Variants in PCDHA9 observed in about 807,000 individuals in gnomAD.
PCDHA9 encodes protocadherin alpha-9.
A neutral mutation model predicts 62.0 loss-of-function variants in PCDHA9; 62 were observed. That is an observed-to-expected ratio of 1.00 (90% CI 0.81 to 1.23). PCDHA9 has a LOEUF of 1.23. Ranked by LOEUF, PCDHA9 falls within the 50% of genes most tolerant of loss-of-function variation. The pLI, the probability that PCDHA9 is intolerant of heterozygous loss-of-function variation, is 0.00. For synonymous variants in PCDHA9, 557 were observed against 567.6 expected, an observed-to-expected ratio of 0.98 and a Z score of 0.27; for missense variants, 1,205 against 1,249.8, an observed-to-expected ratio of 0.96 and a Z score of 0.54.
intron 1 of PCDHA9, among the ~76,000 whole-genome samples, chr5:140,911,721 A>G (rs1442469379): frequency 6.6e-6 from 1 of 152,168 alleles, no homozygotes; most frequent in African/African-American, 2.4e-5. Context: ...GTAACTCTGT[A>G]AACAGTTCGT....
rs374163229 is a variant in PCDHA9 at position 140,870,784 on chromosome 5, G to C, written c.2394+19895G>C. 16 of 1,613,456 alleles carry C rather than the reference G, an allele frequency of 9.9e-6. No homozygotes were observed. The African/African-American group carries it at 2.0e-4, about 20-fold the overall frequency. On this transcript the variant is annotated intron_variant, in intron 1 of 3. Transcript: ENST00000532602. ...GTTCGTGCTGGACGAGAACGACAAC[G>C]CGCCGGCACTGCTGGCGACTCAGGC...
At chr5:140,979,120 T>A in intron 2 of PCDHA9, 113 bp downstream of exon 2, 1 of 1,497,648 alleles carries the variant, frequency 6.7e-7, no homozygotes, top group Non-Finnish European at 8.9e-7. Flanking sequence ...CTTTAGGTAC[T>A]TTGCCAGGAA....
chr5:140,968,307 A>G (rs1554230602), intron 1 of PCDHA9: 1 of 1,613,964 alleles, frequency 6.2e-7, no homozygotes, highest in South Asian at 1.1e-5. Context: ...AGGGAGATTC[A>G]AGGGCTGCCA....
chr5:140,929,078 G>A lies in PCDHA9; in HGVS notation c.2395-49871G>A, dbSNP rs144524128. On this transcript the variant is annotated intron_variant, in intron 1 of 3. Coordinates refer to ENST00000532602, the MANE Select transcript of PCDHA9 (RefSeq NM_031857.2). ...TCTACAGAGGATCTGAGGTATGGAA[G>A]TAAGATGGTTTCAAATCCTTGCATG... 20 of 1,614,208 alleles carry A rather than the reference G, an allele frequency of 1.2e-5. No individual in the cohort carries two copies. The African/African-American group carries it at 2.3e-4, about 18-fold the overall frequency.
chr5:140,908,456 T>C (rs557022321), intron 1 of PCDHA9, among the ~76,000 whole-genome samples: 2 of 152,174 alleles, frequency 1.3e-5, no homozygotes, highest in South Asian at 4.1e-4. Context: ...GCTAGATGGA[T>C]CAGAAAGCAC....
At chr5:140,965,403 T>G (rs1241477329) in intron 1 of PCDHA9, among the ~76,000 whole-genome samples, 1 of 151,946 alleles carries the variant, frequency 6.6e-6, no homozygotes, top group Admixed American at 6.6e-5. Flanking sequence ...GTCTAAGGAG[T>G]CTTATATTTA....
rs146333783 is a variant in PCDHA9 at position 140,850,797 on chromosome 5, G to T, written c.2302G>T (p.Asp768Tyr). Residue 768 changes from aspartate (D) to tyrosine (Y), a missense_variant, in exon 1 of 4, where the codon GAC becomes TAC. Transcript: ENST00000532602. ...CTCTGGCGAGGGTAAGCAGAAGACC[G>T]ACCTCATGGCCTTCAGCCCGGGCCT... ...VCSGEGKQKT[D>Y]LMAFSPGLSP... 279 of 1,598,230 alleles carry T rather than the reference G, an allele frequency of 1.7e-4. 20 individuals carry two copies. The highest frequency in any genetic ancestry group is 2.3e-4 in the Non-Finnish European group (264 of 1,167,772).
At chr5:140,851,091 G>C in intron 1 of PCDHA9, 1 of 1,292,680 alleles carries the variant, frequency 7.7e-7, no homozygotes, top group Non-Finnish European at 1.0e-6. Flanking sequence ...ATATTAAATA[G>C]ATATTTTTTG....
intron 3 of PCDHA9, among the ~76,000 whole-genome samples, chr5:140,990,731 A>G (rs1554251699): frequency 1.3e-5 from 2 of 152,166 alleles, no homozygotes; most frequent in South Asian, 4.1e-4. Flanking sequence ...AGGTATATCA[A>G]CAGCCCTAGG....
intron 1 of PCDHA9, among the ~76,000 whole-genome samples, chr5:140,949,300 G>T (rs1373100269): frequency 1.3e-5 from 2 of 151,534 alleles, no homozygotes; most frequent in Non-Finnish European, 1.5e-5. Flanking sequence ...GTAATTGTTG[G>T]GTGTAATGAT....
rs1554143863 is a variant in PCDHA9, at chr5:140,850,151, G to A, written c.1656G>A (p.Gln552=). The A allele has an allele frequency of 3.1e-6, 5 of 1,595,466 alleles. No individual in the cohort carries two copies. The highest frequency in any genetic ancestry group is 1.7e-5 in the Admixed American group (1 of 59,308). The change falls in exon 1 of 4, where the codon CAG becomes CAA. Residue 552 remains glutamine (Q), a synonymous_variant. Transcript: ENST00000532602. ...CTCTGGGCAGCAACGTGACGCTGCA[G>A]GTGTTCGTGCTGGACGAGAACGACA... ...VPPLGSNVTL[Q]VFVLDENDNA...
rs369541654 is a variant in PCDHA9 at position 141,010,673 on chromosome 5, A to G, written c.*736A>G. On this transcript the variant is annotated 3_prime_UTR_variant, in exon 4 of 4. Coordinates refer to ENST00000532602, the MANE Select transcript of PCDHA9 (RefSeq NM_031857.2). ...TTTTAACAGAGAACCACCCTGGGAAACAGAAGCAGATCTGATGTGTTTCCT... is the reference window on the plus strand; with the variant it reads ...TTTTAACAGAGAACCACCCTGGGAAGCAGAAGCAGATCTGATGTGTTTCCT... 8.1e-4 allele frequency: 133 copies of G among 163,824 alleles called. No individual in the cohort carries two copies. Among genetic ancestry groups the G allele is most frequent in the Non-Finnish European group, 5.5e-4 (41 of 74,388 alleles). 10.1% of individuals were successfully genotyped at this position (163,824 alleles called of 1,614,324 possible). A position where few individuals can be genotyped will look rare whatever the true frequency, so the allele number is the denominator to read the frequency against.
chr5:140,971,547 C>T (rs904044424), intron 1 of PCDHA9, among the ~76,000 whole-genome samples: 3 of 152,074 alleles, frequency 2.0e-5, no homozygotes, highest in Non-Finnish European at 4.4e-5. Flanking sequence ...GCCAGATCAA[C>T]CTGTTAAATT....
At chr5:140,915,840 G>A (rs1554197129) in intron 1 of PCDHA9, among the ~76,000 whole-genome samples, 1 of 152,142 alleles carries the variant, frequency 6.6e-6, no homozygotes, top group Admixed American at 6.5e-5. Context: ...AGATCAGCAG[G>A]GGGTGACACC....
At chr5:140,928,466 T>C in intron 1 of PCDHA9, 13 of 1,614,140 alleles carry the variant, frequency 8.1e-6, no homozygotes, top group Non-Finnish European at 1.1e-5. Context: ...CATTTCCAAG[T>C]AGAAGGCCGG....
intron 3 of PCDHA9, among the ~76,000 whole-genome samples, chr5:140,994,257 G>A (rs1232863771): frequency 6.6e-6 from 1 of 152,122 alleles, no homozygotes; most frequent in East Asian, 1.9e-4. Context: ...AGGTAAATAA[G>A]GTAAGCTAGG....
At position 141,009,622 on chromosome 5, in the gene PCDHA9, T is replaced by C. The variant is rs782517998; in HGVS notation, c.2543-5T>C. On this transcript the variant is annotated splice_region_variant and splice_polypyrimidine_tract_variant and intron_variant, in intron 3 of 3. Coordinates refer to ENST00000532602, the MANE Select transcript of PCDHA9 (RefSeq NM_031857.2). ...GTTAATGATTTGTAATGTTTTGTCT[T>C]TCAGAACCAGAGGCAGGAGAAGTGT... is the stretch of plus-strand genomic sequence containing the variant. 6.2e-7 allele frequency: 1 copy of C among 1,612,598 alleles called. No homozygotes were observed.
Position 140,923,994 on chromosome 5 carries a change from C to T in PCDHA9, c.2395-54955C>T, listed in dbSNP as rs147193427. ...ACATACTATCCCTCTAGGTGCAGCT[C>T]AGAATTCCTAAACCTGGTATAATTG... On this transcript the variant is annotated intron_variant, in intron 1 of 3. Transcript: ENST00000532602. Among the ~76,000 whole-genome samples the T allele has an allele frequency of 8.1e-3, 1,228 of 152,292 alleles. 6 individuals are homozygous for T. The highest frequency in any genetic ancestry group is 0.019 in the African/African-American group (795 of 41,560).
intron 1 of PCDHA9, among the ~76,000 whole-genome samples, chr5:140,873,542 T>C (rs2054341425): frequency 6.6e-6 from 1 of 152,130 alleles, no homozygotes; most frequent in Non-Finnish European, 1.5e-5. Context: ...GGTATAAAAT[T>C]ATAATTTCAA....
Sources: gnomAD v4.1 joint callset for allele counts (sites outside exome capture counted in the v4.1 genomes callset) on GRCh38, gnomAD v4.1.1 for gene constraint, MANE v1.5 for transcripts, NCBI Gene and HGNC (gene_info 2026-07-23, HGNC 2026-07-21) for gene names.